Variants in SNTG1 observed in about 807,000 individuals in gnomAD.
SNTG1 encodes syntrophin gamma 1.
Under a neutral mutation model 74.7 loss-of-function variants are expected in SNTG1, and 39 were observed. The observed-to-expected ratio is 0.52, with a 90% CI of 0.40 to 0.68. The LOEUF (loss-of-function observed/expected upper bound fraction) is 0.68. Among genes scored for constraint, SNTG1 ranks in the 30% least tolerant of loss-of-function variants. The probability of loss-of-function intolerance (pLI) is 0.00; values close to 1 mark genes in which losing one functional copy is unlikely to be tolerated. For missense variants in SNTG1, 685 were observed against 609.5 expected, an observed-to-expected ratio of 1.12 and a Z score of -1.30; for synonymous variants, 254 against 217.1, an observed-to-expected ratio of 1.17 and a Z score of -1.49.
chr8:50,537,074 A>G (rs1399967100), intron 11 of SNTG1, among the ~76,000 whole-genome samples: 1 of 152,162 alleles, frequency 6.6e-6, no homozygotes, highest in Non-Finnish European at 1.5e-5. Context: ...CATATTTCAT[A>G]TTTGTTAATT....
At chr8:50,087,111 T>C (rs758159833) in intron 1 of SNTG1, among the ~76,000 whole-genome samples, 6 of 152,066 alleles carry the variant, frequency 3.9e-5, no homozygotes, top group Non-Finnish European at 4.4e-5. Flanking sequence ...TTTTGTGAAA[T>C]AAGTGAGAGA....
chr8:50,510,264 C>A (rs535480517), intron 9 of SNTG1, among the ~76,000 whole-genome samples: 1 of 152,252 alleles, frequency 6.6e-6, no homozygotes, highest in Admixed American at 6.5e-5. Context: ...AGGGATGAAG[C>A]CCACTTGATC....
At chr8:50,140,891 G>A (rs764654184) in intron 1 of SNTG1, among the ~76,000 whole-genome samples, 1 of 152,092 alleles carries the variant, frequency 6.6e-6, no homozygotes, top group Non-Finnish European at 1.5e-5. Flanking sequence ...CCATTATAAA[G>A]AAGTAGGTTG....
At position 50,606,315 on chromosome 8, in the gene SNTG1, A is replaced by T. The variant is rs143653077; in HGVS notation, c.849+15398A>T. On this transcript the variant is annotated intron_variant, in intron 13 of 18. Coordinates refer to ENST00000642720, the MANE Select transcript of SNTG1 (RefSeq NM_018967.5). ...GATAGGTTAGCTCTCTACCTTTCTT[A>T]GAACTTTAAAAATTTCTCTTAGAAA... is the stretch of plus-strand genomic sequence containing the variant. Among the ~76,000 whole-genome samples, 365 of 152,222 alleles carry T rather than the reference A, an allele frequency of 2.4e-3. 1 individual carries two copies. The highest frequency in any genetic ancestry group is 8.4e-3 in the African/African-American group (350 of 41,574).
At chr8:50,036,373 T>TA (rs1818167234) in intron 1 of SNTG1, among the ~76,000 whole-genome samples, 1 of 152,212 alleles carries the variant, frequency 6.6e-6, no homozygotes, top group Non-Finnish European at 1.5e-5. Context: ...TTTCTCTGCT[T>TA]AAAACATATT....
At chr8:49,965,540 C>T (rs576392566) in intron 1 of SNTG1, among the ~76,000 whole-genome samples, 2 of 152,218 alleles carry the variant, frequency 1.3e-5, no homozygotes, top group South Asian at 4.1e-4. Context: ...GAGAATCCTG[C>T]TCTGGACACC....
rs190196484 is a variant in SNTG1, at chr8:50,497,738, G to C, written c.364-5040G>C. Among the ~76,000 whole-genome samples the C allele has an allele frequency of 4.0e-3, 601 of 151,954 alleles. 1 individual carries two copies. Among genetic ancestry groups the C allele is most frequent in the Non-Finnish European group, 5.7e-3 (390 of 67,868 alleles). On this transcript the variant is annotated intron_variant, in intron 8 of 18. Transcript: ENST00000642720. ...TCATTTACCCTAAAAGTTTAATCTT[G>C]CCACTGTATAATCTGTCCTTCTGCC...
chr8:50,487,448 A>T (rs1255138974), intron 8 of SNTG1, among the ~76,000 whole-genome samples: 1 of 152,282 alleles, frequency 6.6e-6, no homozygotes, highest in African/African-American at 2.4e-5. Flanking sequence ...CAAATGTCCA[A>T]CAATGATAGA....
chr8:50,781,311 G>A (rs1418859383), intron 18 of SNTG1, among the ~76,000 whole-genome samples: 4 of 152,110 alleles, frequency 2.6e-5, no homozygotes, highest in Admixed American at 6.5e-5. Context: ...GGGTGTTAAA[G>A]TCTCCCATTA....
chr8:50,759,446 T>C (rs568541549), intron 18 of SNTG1, among the ~76,000 whole-genome samples: 6 of 152,190 alleles, frequency 3.9e-5, no homozygotes, highest in African/African-American at 1.4e-4. Flanking sequence ...GTTTTAGGTC[T>C]TTGTTTAAAT....
intron 9 of SNTG1, among the ~76,000 whole-genome samples, chr8:50,510,856 C>CA (rs2094065163): frequency 1.3e-5 from 2 of 151,992 alleles, no homozygotes; most frequent in East Asian, 1.9e-4. Context: ...TTGATATTTT[C>CA]AAAAAACCAG....
At chr8:50,598,700 A>G (rs943226547) in intron 13 of SNTG1, among the ~76,000 whole-genome samples, 1 of 151,980 alleles carries the variant, frequency 6.6e-6, no homozygotes, top group African/African-American at 2.4e-5. Context: ...AATTATCCCA[A>G]TCCATGAACA....
intron 1 of SNTG1, among the ~76,000 whole-genome samples, chr8:50,004,458 A>T (rs1004473100): frequency 6.6e-6 from 1 of 152,082 alleles, no homozygotes; most frequent in Non-Finnish European, 1.5e-5. Context: ...AATCTAGAGG[A>T]TCCTCACTTA....
intron 17 of SNTG1, among the ~76,000 whole-genome samples, chr8:50,733,747 C>T (rs763373404): frequency 6.6e-6 from 1 of 151,932 alleles, no homozygotes; most frequent in African/African-American, 2.4e-5. Flanking sequence ...AATGTGTGTT[C>T]GTGTCCTTCG....
chr8:50,772,336 C>A (rs1438600557), intron 18 of SNTG1, among the ~76,000 whole-genome samples: 1 of 152,062 alleles, frequency 6.6e-6, no homozygotes, highest in Non-Finnish European at 1.5e-5. Context: ...TATCCTGGAG[C>A]CTTAAGATTT....
intron 12 of SNTG1, among the ~76,000 whole-genome samples, chr8:50,578,745 A>G (rs757349970): frequency 6.6e-6 from 1 of 152,088 alleles, no homozygotes; most frequent in African/African-American, 2.4e-5. Flanking sequence ...GTAAAGAAGG[A>G]TGTGTTTGCT....
At chr8:50,637,826 A>T (rs1454570791) in intron 13 of SNTG1, among the ~76,000 whole-genome samples, 1 of 152,128 alleles carries the variant, frequency 6.6e-6, no homozygotes, top group East Asian at 1.9e-4. Context: ...TTTATTGTTC[A>T]ATTAAATTAC....
At chr8:50,705,625 G>T (rs1216939971) in intron 16 of SNTG1, among the ~76,000 whole-genome samples, 2 of 151,762 alleles carry the variant, frequency 1.3e-5, no homozygotes, top group East Asian at 1.9e-4. Context: ...ACATGTGCTT[G>T]TTATTCCCTG....
chr8:50,364,176 G>A (rs1255241214), intron 2 of SNTG1, among the ~76,000 whole-genome samples: 1 of 152,132 alleles, frequency 6.6e-6, no homozygotes, highest in African/African-American at 2.4e-5. Flanking sequence ...GGGGAATTGG[G>A]GTTGAAAGTT....
Sources: gnomAD v4.1 joint callset for allele counts (sites outside exome capture counted in the v4.1 genomes callset) on GRCh38, gnomAD v4.1.1 for gene constraint, MANE v1.5 for transcripts, NCBI Gene and HGNC (gene_info 2026-07-23, HGNC 2026-07-21) for gene names.